The following SEMA6A variants were observed in gnomAD, a reference collection of about 807,000 sequenced individuals.
SEMA6A encodes semaphorin-6A.
A neutral mutation model predicts 96.8 loss-of-function variants in SEMA6A; 25 were observed. The ratio of observed to expected loss-of-function variants is 0.26; its 90% CI spans 0.19 to 0.36. SEMA6A has a LOEUF of 0.36. Among genes scored for constraint, SEMA6A ranks in the 10% least tolerant of loss-of-function variants. The probability of loss-of-function intolerance (pLI) is 1.00; values close to 1 mark genes in which losing one functional copy is unlikely to be tolerated. For missense variants in SEMA6A, 1,363 were observed against 1,323.1 expected (o/e 1.03, Z -0.47); for synonymous variants, 612 against 518.0 (o/e 1.18, Z -2.46).
chr5:116,473,135 G>T, intron 16 of SEMA6A, 42 bp from the exon 17 acceptor site: 1 of 1,572,300 alleles, frequency 6.4e-7, no homozygotes, highest in Non-Finnish European at 8.6e-7. Flanking sequence ...AATGTTTTAC[G>T]CTCTGCTTGG....
chr5:116,464,863 G>A (rs10077720), intron 18 of SEMA6A, among the ~76,000 whole-genome samples: 13,854 of 152,204 alleles, frequency 0.091, 709 homozygotes, highest in East Asian at 0.2. Context: ...GCAGAGTAGA[G>A]CCATGGGCAT....
intron 10 of SEMA6A, among the ~76,000 whole-genome samples, chr5:116,485,362 A>C (rs1757001311): frequency 6.6e-6 from 1 of 152,248 alleles, no homozygotes; most frequent in African/African-American, 2.4e-5. Flanking sequence ...TCCATGTGCC[A>C]AGACAGTATA....
intron 3 of SEMA6A, among the ~76,000 whole-genome samples, chr5:116,500,896 C>T (rs1757846371): frequency 6.6e-6 from 1 of 152,148 alleles, no homozygotes; most frequent in Non-Finnish European, 1.5e-5. Flanking sequence ...GTCCCAGCTA[C>T]TCAGGAGGCT....
rs560151768 is a variant in SEMA6A, at chr5:116,511,071, C to T, written c.-38-6089G>A. 1.2e-4 allele frequency among the ~76,000 whole-genome samples: 19 copies of T among 152,266 alleles called. No individual in the cohort carries two copies. In the East Asian group the frequency reaches 3.3e-3, roughly 26 times the overall value. On this transcript the variant is annotated intron_variant, in intron 1 of 18. Transcript: ENST00000343348. ...CTAGGCAGCACATAGTAAATACAGT[C>T]GTCCTTCAGTATCTGTGAGGGATTG...
intron 16 of SEMA6A, 53 bp downstream of exon 16, chr5:116,475,492 T>C: frequency 7.8e-7 from 1 of 1,288,594 alleles, no homozygotes; most frequent in South Asian, 1.3e-5. Context: ...TCTAGGCCAT[T>C]CACTGAAAGC....
chr5:116,467,703 T>A lies in SEMA6A; in HGVS notation c.1774A>T (p.Thr592Ser), dbSNP rs1235719070. The A allele has an allele frequency of 1.2e-6, 2 of 1,613,764 alleles. No individual in the cohort carries two copies. Among genetic ancestry groups the A allele is most frequent in the South Asian group, 1.1e-5 (1 of 91,054 alleles). Residue 592 changes from threonine to serine, a missense_variant, in exon 18 of 19, where the codon ACG becomes TCG. Physicochemically the swap from Thr to Ser is moderately conservative, Grantham distance 58. Transcript: ENST00000343348. Reference sequence around the variant, plus strand: ...CTAGACTCATACCCCTCTTGAGCCGTCGAATCTGATGTGGTTGTGCTGGGC... The same window carrying A: ...CTAGACTCATACCCCTCTTGAGCCGACGAATCTGATGTGGTTGTGCTGGGC... ...LLPSTTTSDS[T>S]AQEGYESRGG...
chr5:116,489,021 GA>G lies in SEMA6A; in HGVS notation c.536-15del. 1 of 1,552,946 alleles carries G rather than the reference GA, an allele frequency of 6.4e-7. No homozygotes were observed. Among genetic ancestry groups the G allele is most frequent in the Non-Finnish European group, 8.7e-7 (1 of 1,147,604 alleles). ...ATAGTTTTCCATCTTAGAAGAAAAA[GA>G]AAAGAGGTGAACAGGGTGGGAGCAA... On this transcript the variant is annotated splice_polypyrimidine_tract_variant and intron_variant, in intron 7 of 18. Coordinates refer to ENST00000343348, the MANE Select transcript of SEMA6A (RefSeq NM_020796.5).
intron 7 of SEMA6A, among the ~76,000 whole-genome samples, chr5:116,491,055 C>A (rs1322507672): frequency 1.3e-5 from 2 of 152,202 alleles, no homozygotes; most frequent in African/African-American, 4.8e-5. Context: ...GCACCCTCCC[C>A]TCACCCACCA....
At chr5:116,541,790 G>A (rs1433822847) in intron 1 of SEMA6A, among the ~76,000 whole-genome samples, 1 of 152,228 alleles carries the variant, frequency 6.6e-6, no homozygotes, top group South Asian at 2.1e-4. Flanking sequence ...CTGAGATCAC[G>A]CCACTGCACT....
At chr5:116,499,423 C>T (rs254087) in intron 3 of SEMA6A, among the ~76,000 whole-genome samples, 1 of 17,674 alleles carries the variant, frequency 5.7e-5, no homozygotes, top group African/African-American at 9.4e-5. Context: ...GGGGGTTGGC[C>T]GGGGGGTGGG....
intron 3 of SEMA6A, among the ~76,000 whole-genome samples, chr5:116,497,810 C>T (rs1056779608): frequency 2.0e-5 from 3 of 151,872 alleles, no homozygotes; most frequent in African/African-American, 7.3e-5. Context: ...AGAGGGCTAA[C>T]AAAAAAAATG....
intron 18 of SEMA6A, among the ~76,000 whole-genome samples, chr5:116,459,154 T>C (rs1389381550): frequency 6.6e-6 from 1 of 152,162 alleles, no homozygotes. Flanking sequence ...AAGTCCAAGT[T>C]TGGAGTTCAG....
At chr5:116,447,945 T>C in intron 18 of SEMA6A, 134 bp from the exon 19 acceptor site, 1 of 745,178 alleles carries the variant, frequency 1.3e-6, no homozygotes, top group Non-Finnish European at 2.2e-6. Flanking sequence ...TCTTCCAAGC[T>C]CAGCTTGCCA....
At chr5:116,572,051 A>G (rs1761237326) in intron 1 of SEMA6A, among the ~76,000 whole-genome samples, 7 of 152,200 alleles carry the variant, frequency 4.6e-5, no homozygotes, top group Admixed American at 4.6e-4. Context: ...GAACAATTTC[A>G]GGACTAAAGA....
At chr5:116,562,348 G>A (rs1423176716) in intron 1 of SEMA6A, among the ~76,000 whole-genome samples, 1 of 152,130 alleles carries the variant, frequency 6.6e-6, no homozygotes. Flanking sequence ...CAAAATAATT[G>A]TTCACAGAGA....
intron 17 of SEMA6A, chr5:116,468,850 A>T (rs1755930279): frequency 6.6e-6 from 1 of 152,356 alleles, no homozygotes; most frequent in African/African-American, 2.4e-5. Flanking sequence ...GCAGACTCAC[A>T]ACAACTCCAA....
intron 3 of SEMA6A, chr5:116,498,666 C>G (rs1757730860): frequency 6.6e-6 from 1 of 152,098 alleles, no homozygotes; most frequent in Non-Finnish European, 1.5e-5. Context: ...CTTCAAACTT[C>G]AGTAGGCTGC....
Position 116,447,145 on chromosome 5 carries a change from G to T in SEMA6A, c.2561C>A (p.Thr854Asn), listed in dbSNP as rs368044534. ...EDQAATLEYK[T>N]IKEHLSSKSP... ...CTTGCTGCTGAGATGTTCCTTGATG[G>T]TCTTATACTCCAGTGTGGCGGCCTG... The change falls in exon 19 of 19, where the codon ACC (threonine) becomes AAC (asparagine). Residue 854 changes from threonine to asparagine, a missense_variant. Coordinates refer to ENST00000343348, the MANE Select transcript of SEMA6A (RefSeq NM_020796.5). 8 of 1,613,976 alleles carry T rather than the reference G, an allele frequency of 5.0e-6. No homozygotes were observed. The highest frequency in any genetic ancestry group is 5.9e-6 in the Non-Finnish European group (7 of 1,179,878).
intron 1 of SEMA6A, chr5:116,536,511 AGGTGGGAC>A (rs1759718243): frequency 6.6e-6 from 1 of 152,192 alleles, no homozygotes; most frequent in Admixed American, 6.5e-5. Context: ...CATTTCACGG[AGGTGGGAC>A]CAAAAGAGGA....
Sources: gnomAD v4.1 joint callset for allele counts (sites outside exome capture counted in the v4.1 genomes callset) on GRCh38, gnomAD v4.1.1 for gene constraint, MANE v1.5 for transcripts, NCBI Gene and HGNC (gene_info 2026-07-23, HGNC 2026-07-21) for gene names.